FCF1: variants seen among roughly 807,000 people sequenced by gnomAD.
The protein encoded by FCF1 is rRNA-processing protein FCF1 homolog.
A neutral mutation model predicts 32.5 loss-of-function variants in FCF1; 17 were observed. The ratio of observed to expected loss-of-function variants is 0.52; its 90% CI spans 0.36 to 0.78. The LOEUF is 0.78. FCF1 is among the 30% of genes least tolerant of loss of function. The pLI, the probability that FCF1 is intolerant of heterozygous loss-of-function variation, is 0.00. For missense variants in FCF1, 201 were observed against 241.1 expected (o/e 0.83, Z 1.10); for synonymous variants, 84 against 78.4 (o/e 1.07, Z -0.38).
chr14:74,723,829 A>C (rs1160315457), intron 5 of FCF1, among the ~76,000 whole-genome samples: 1 of 63,288 alleles, frequency 1.6e-5, no homozygotes, highest in East Asian at 8.3e-4. Context: ...ACTCTGTCTC[A>C]AAAAAAAAAA....
At chr14:74,726,593 A>AC (rs921234607) in intron 5 of FCF1, among the ~76,000 whole-genome samples, 3 of 146,622 alleles carry the variant, frequency 2.0e-5, no homozygotes, top group African/African-American at 5.1e-5. Flanking sequence ...GGACAACAAG[A>AC]CCCCCATCTC....
chr14:74,719,149 AAAAG>A (rs1217626000), intron 4 of FCF1, among the ~76,000 whole-genome samples: 1 of 150,644 alleles, frequency 6.6e-6, no homozygotes, highest in South Asian at 2.1e-4. Flanking sequence ...AAAAAAAAAA[AAAAG>A]CATGCATCGT....
At chr14:74,715,820 G>A (rs767840602) in intron 3 of FCF1, 131 bp from the exon 4 acceptor site, 44 of 1,594,554 alleles carry the variant, frequency 2.8e-5, no homozygotes, top group South Asian at 2.2e-4. Context: ...TTCCTTTTTA[G>A]GATTTATTTC....
At chr14:74,723,230 G>C (rs375092386) in intron 4 of FCF1, 42 bp from the exon 5 acceptor site, 2 of 1,431,330 alleles carry the variant, frequency 1.4e-6, no homozygotes, top group South Asian at 2.3e-5. Flanking sequence ...AGATAATTTC[G>C]TTACAAGTTC....
chr14:74,723,751 C>T (rs1298488525), intron 5 of FCF1, among the ~76,000 whole-genome samples: 1 of 151,162 alleles, frequency 6.6e-6, no homozygotes, highest in Non-Finnish European at 1.5e-5. Context: ...TCGCTTGAAC[C>T]TAGGAGGCGG....
At chr14:74,728,699 G>T (rs1230386065) in intron 5 of FCF1, among the ~76,000 whole-genome samples, 74 of 152,212 alleles carry the variant, frequency 4.9e-4, no homozygotes, top group Non-Finnish European at 8.4e-4. Context: ...AGGGAATGCT[G>T]CCAGTTTTTG....
At chr14:74,733,936 A>G in intron 6 of FCF1, 140 bp from the exon 7 acceptor site, 1 of 561,426 alleles carries the variant, frequency 1.8e-6, no homozygotes, top group East Asian at 2.8e-5. Context: ...TAGGTACTCA[A>G]CAAATTGTTA....
rs2090691643 is a variant in FCF1, at chr14:74,735,229, TA to T, written c.*300del. ...TTATTCAATTAACTGAGACATGCAT[TA>T]CATCATTTCTTACTTTTCAAGGAAA... On this transcript the variant is annotated 3_prime_UTR_variant, in exon 8 of 8. Coordinates refer to ENST00000341162, the MANE Select transcript of FCF1 (RefSeq NM_015962.5). 1 of 278,636 alleles carries T rather than the reference TA, an allele frequency of 3.6e-6. No individual in the cohort carries two copies. Among genetic ancestry groups the T allele is most frequent in the African/African-American group, 2.2e-5 (1 of 45,354 alleles). The allele number at this position is 278,636 out of a possible 1,614,324, so 17.3% of individuals were successfully genotyped here.
In FCF1 at chr14:74,737,467, G is replaced by A. The variant is rs1384423366; in HGVS notation, c.*2537G>A. The A allele has an allele frequency of 6.6e-6, 1 of 152,332 alleles. No homozygotes were observed. Among genetic ancestry groups the A allele is most frequent in the Admixed American group, 6.5e-5 (1 of 15,308 alleles). 9.4% of individuals were successfully genotyped at this position (152,332 alleles called of 1,614,324 possible). On this transcript the variant is annotated 3_prime_UTR_variant, in exon 8 of 8. Coordinates refer to ENST00000341162, the MANE Select transcript of FCF1 (RefSeq NM_015962.5). ...TCATTAACAGGCCAAATAGTCTGGAGTCATTCTGTTAGTGTTAGAATACTA... is the reference window on the plus strand; with the variant it reads ...TCATTAACAGGCCAAATAGTCTGGAATCATTCTGTTAGTGTTAGAATACTA...
chr14:74,721,843 A>C (rs1305713859), intron 4 of FCF1, among the ~76,000 whole-genome samples: 3 of 152,216 alleles, frequency 2.0e-5, no homozygotes, highest in Non-Finnish European at 4.4e-5. Context: ...CTACCCAATT[A>C]ACAAGTCTGT....
intron 5 of FCF1, 67 bp from the exon 6 acceptor site, chr14:74,732,664 T>C (rs1254237075): frequency 1.9e-6 from 2 of 1,036,732 alleles, no homozygotes; most frequent in Admixed American, 3.5e-5. Flanking sequence ...CATGTTACTT[T>C]TATTGCATTA....
At chr14:74,732,044 G>A (rs922053117) in intron 5 of FCF1, among the ~76,000 whole-genome samples, 1 of 152,110 alleles carries the variant, frequency 6.6e-6, no homozygotes, top group African/African-American at 2.4e-5. Flanking sequence ...TACCCCAAGA[G>A]TGACAACTGA....
At position 74,735,152 on chromosome 14, in the gene FCF1, G is replaced by T; in HGVS notation, c.*222G>T. 21 of 386,224 alleles carry T rather than the reference G, an allele frequency of 5.4e-5. No individual in the cohort carries two copies. Among genetic ancestry groups the T allele is most frequent in the Non-Finnish European group, 7.6e-5 (16 of 209,554 alleles). The allele number at this position is 386,224 out of a possible 1,614,324, so 23.9% of individuals were successfully genotyped here. A position where few individuals can be genotyped will look rare whatever the true frequency, so the allele number is the denominator to read the frequency against. ...TTAAGCATTTTGTGGGGCCGCGGGG[G>T]TTGGGGGGAATCTGTGCAGGGGGAA... On this transcript the variant is annotated 3_prime_UTR_variant, in exon 8 of 8. Transcript: ENST00000341162.
intron 5 of FCF1, among the ~76,000 whole-genome samples, chr14:74,724,931 T>C (rs1433967733): frequency 6.6e-6 from 1 of 151,862 alleles, no homozygotes; most frequent in Non-Finnish European, 1.5e-5. Context: ...AATTATAAAA[T>C]ATTAGCATGA....
At chr14:74,722,214 A>ATT (rs1233100377) in intron 4 of FCF1, among the ~76,000 whole-genome samples, 1 of 151,536 alleles carries the variant, frequency 6.6e-6, no homozygotes, top group East Asian at 1.9e-4. Context: ...ATGCCCAGCT[A>ATT]TTTTTTTTAT....
At chr14:74,713,258 A>G in intron 1 of FCF1, 58 bp downstream of exon 1, 1 of 1,614,192 alleles carries the variant, frequency 6.2e-7, no homozygotes, top group Non-Finnish European at 8.5e-7. Flanking sequence ...GTGGAGAAGG[A>G]GGTAGTCAGA....
chr14:74,713,769 T>C, intron 2 of FCF1: 1 of 596,898 alleles, frequency 1.7e-6, no homozygotes. Context: ...GTTCACTTTT[T>C]CTACCGTTAT....
intron 5 of FCF1, among the ~76,000 whole-genome samples, chr14:74,724,024 A>G (rs1448140894): frequency 6.6e-6 from 1 of 152,178 alleles, no homozygotes; most frequent in Non-Finnish European, 1.5e-5. Context: ...TTTAGTGCCC[A>G]TTAGATTGGC....
At chr14:74,714,272 G>A (rs2090381785) in intron 2 of FCF1, among the ~76,000 whole-genome samples, 1 of 152,160 alleles carries the variant, frequency 6.6e-6, no homozygotes, top group South Asian at 2.1e-4. Flanking sequence ...TGGCCAACAC[G>A]GTGAAACCCT....
Sources: gnomAD v4.1 joint callset for allele counts (sites outside exome capture counted in the v4.1 genomes callset) on GRCh38, gnomAD v4.1.1 for gene constraint, MANE v1.5 for transcripts, NCBI Gene and HGNC (gene_info 2026-07-23, HGNC 2026-07-21) for gene names.